PCDHGA5: variants seen among roughly 807,000 people sequenced by gnomAD.
PCDHGA5 encodes protocadherin gamma subfamily A, 5.
A neutral mutation model predicts 56.7 loss-of-function variants in PCDHGA5; 36 were observed. The ratio of observed to expected loss-of-function variants is 0.64; its 90% CI spans 0.49 to 0.84. The LOEUF is 0.84. Ranked by LOEUF, PCDHGA5 falls within the 40% of genes least tolerant of loss-of-function variation. The pLI is 0.00. For synonymous variants in PCDHGA5, 563 were observed against 520.2 expected, an observed-to-expected ratio of 1.08 and a Z score of -1.12; for missense variants, 1,305 against 1,201.5, an observed-to-expected ratio of 1.09 and a Z score of -1.27.
In PCDHGA5 at chr5:141,489,087, T is replaced by A. The variant is rs2099682381; in HGVS notation, c.2422-5720T>A. ...CCCCCTGCCCACCCCCGCCACTCGG[T>A]GACTAAGAACTGCTGCAAGCAGGCA... is the stretch of plus-strand genomic sequence containing the variant. On this transcript the variant is annotated intron_variant, in intron 1 of 3. Coordinates refer to ENST00000518069, the MANE Select transcript of PCDHGA5 (RefSeq NM_018918.3). This position sits in a 1 kb window ranked among gnomAD's most constrained non-coding sequence, Gnocchi z 4.5. The A allele has an allele frequency of 4.6e-6, 1 of 216,106 alleles. No individual in the cohort carries two copies. Among genetic ancestry groups the A allele is most frequent in the Non-Finnish European group, 8.4e-6 (1 of 118,734 alleles). 13.4% of individuals were successfully genotyped at this position (216,106 alleles called of 1,614,324 possible). A position where few individuals can be genotyped will look rare whatever the true frequency, so the allele number is the denominator to read the frequency against.
At chr5:141,384,943 G>T in intron 1 of PCDHGA5, 1 of 1,613,996 alleles carries the variant, frequency 6.2e-7, no homozygotes, top group Non-Finnish European at 8.5e-7. Flanking sequence ...TGAGCCCTCC[G>T]ACGGTCCTTA....
intron 1 of PCDHGA5, chr5:141,427,790 C>A: frequency 1.3e-6 from 2 of 1,482,222 alleles, no homozygotes; most frequent in Non-Finnish European, 1.9e-6. Context: ...TGTCGTCCTA[C>A]GTGTCCGTGA....
intron 1 of PCDHGA5, chr5:141,414,379 A>G (rs2095740987): frequency 1.2e-6 from 2 of 1,613,912 alleles, no homozygotes; most frequent in African/African-American, 1.3e-5. Context: ...AGAAAAGTCC[A>G]TTGACAGTTA....
intron 1 of PCDHGA5, chr5:141,418,513 G>T (rs377653202): frequency 1.1e-4 from 173 of 1,613,842 alleles, no homozygotes; most frequent in Non-Finnish European, 1.2e-4. Flanking sequence ...TAGATGGTGG[G>T]GACCCTCCCC....
intron 1 of PCDHGA5, chr5:141,400,729 A>G: frequency 1.5e-6 from 1 of 649,042 alleles, no homozygotes. Flanking sequence ...TTTACAAAGT[A>G]GTGAGAGTTT....
chr5:141,463,364 T>C (rs1166107031), intron 1 of PCDHGA5, among the ~76,000 whole-genome samples: 2 of 150,250 alleles, frequency 1.3e-5, no homozygotes, highest in Admixed American at 6.6e-5. Context: ...TCCCCTTTCC[T>C]GCCCCACAGT....
At chr5:141,433,150 G>C (rs1466566074) in intron 1 of PCDHGA5, 5 of 1,613,936 alleles carry the variant, frequency 3.1e-6, no homozygotes, top group Middle Eastern at 1.6e-4. Flanking sequence ...CAGGTGATTC[G>C]GTATTTTCTA....
intron 1 of PCDHGA5, among the ~76,000 whole-genome samples, chr5:141,402,212 A>T (rs1282581389): frequency 6.6e-6 from 1 of 152,138 alleles, no homozygotes; most frequent in Non-Finnish European, 1.5e-5. Context: ...ACAAAAATTT[A>T]AAATAAACGT....
intron 1 of PCDHGA5, among the ~76,000 whole-genome samples, chr5:141,448,430 T>C (rs1468604001): frequency 6.6e-6 from 1 of 152,186 alleles, no homozygotes; most frequent in African/African-American, 2.4e-5. Flanking sequence ...TATGTATATA[T>C]TGAGAAGTCT....
At chr5:141,433,034 C>G (rs1357694242) in intron 1 of PCDHGA5, 2 of 1,614,184 alleles carry the variant, frequency 1.2e-6, no homozygotes, top group Non-Finnish European at 1.7e-6. Flanking sequence ...CGAGGTTTCC[C>G]TCACCACGGA....
At position 141,384,450 on chromosome 5, in the gene PCDHGA5, G is replaced by A. The variant is rs756281053; in HGVS notation, c.2421+17699G>A. On this transcript the variant is annotated intron_variant, in intron 1 of 3. Coordinates refer to ENST00000518069, the MANE Select transcript of PCDHGA5 (RefSeq NM_018918.3). ...CTGACACTGGAGTCCTGTACGCGCT[G>A]CAATCCTTTGATTATGAGCAGTTGA... is the stretch of plus-strand genomic sequence containing the variant. 4 of 1,614,040 alleles carry A rather than the reference G, an allele frequency of 2.5e-6. No homozygotes were observed. In the Admixed American group the frequency reaches 6.7e-5, roughly 27 times the overall value.
At chr5:141,415,647 A>C in intron 1 of PCDHGA5, 2 of 1,599,602 alleles carry the variant, frequency 1.3e-6, no homozygotes, top group Non-Finnish European at 1.7e-6. Context: ...TTGTTAAAAA[A>C]AAAAAGATTG....
intron 1 of PCDHGA5, among the ~76,000 whole-genome samples, chr5:141,407,505 T>TTTTTTTTTTTTTTTTTTTTTTTGAG (rs1460306566): frequency 6.6e-6 from 1 of 152,146 alleles, no homozygotes; most frequent in Non-Finnish European, 1.5e-5. Context: ...CTGTTTTTCT[T>TTTTTTTTTTTTTTTTTTTTTTTGAG]AGGCTATGTA....
chr5:141,512,275 A>G lies in PCDHGA5; in HGVS notation c.*1102A>G, dbSNP rs368275103. 1 of 152,730 alleles carries G rather than the reference A, an allele frequency of 6.5e-6. No individual in the cohort carries two copies. The highest frequency in any genetic ancestry group is 2.1e-4 in the South Asian group (1 of 4,824). The allele number at this position is 152,730 out of a possible 1,614,324, so 9.5% of individuals were successfully genotyped here. ...GGGTGCTGGGTACTCCAGAGGTGCC[A>G]CTGGTGGAAGGGTCAGCGGAGCCCC... On this transcript the variant is annotated 3_prime_UTR_variant, in exon 4 of 4. Transcript: ENST00000518069.
At chr5:141,475,866 C>T in intron 1 of PCDHGA5, 1 of 504,862 alleles carries the variant, frequency 2.0e-6, no homozygotes, top group South Asian at 2.9e-5. Context: ...GCTCATTCTT[C>T]GTGCAGTTAT....
chr5:141,394,524 G>T lies in PCDHGA5; in HGVS notation c.2421+27773G>T, dbSNP rs977174958. 13 of 1,614,214 alleles carry T rather than the reference G, an allele frequency of 8.1e-6. No homozygotes were observed. ...CCTGTACCCCGCCCTCCCCACAGAC[G>T]GTTCCACTGGCGTGGAGCTGGCGCC... On this transcript the variant is annotated intron_variant, in intron 1 of 3. Coordinates refer to ENST00000518069, the MANE Select transcript of PCDHGA5 (RefSeq NM_018918.3).
At position 141,426,439 on chromosome 5, in the gene PCDHGA5, G is replaced by C. The variant is rs149215795; in HGVS notation, c.2421+59688G>C. On this transcript the variant is annotated intron_variant, in intron 1 of 3. Transcript: ENST00000518069. ...GGGCTCCGTGGTGGGGAACCTTGCG[G>C]AGGACATGCGGCTGCATGTTCAGGA... 7.8e-4 allele frequency: 237 copies of C among 302,398 alleles called. 1 individual carries two copies. The highest frequency in any genetic ancestry group is 4.6e-3 in the African/African-American group (214 of 46,260). The allele number at this position is 302,398 out of a possible 1,614,324, so 18.7% of individuals were successfully genotyped here.
At chr5:141,503,387 G>A (rs975079596) in intron 2 of PCDHGA5, among the ~76,000 whole-genome samples, 24 of 152,068 alleles carry the variant, frequency 1.6e-4, no homozygotes, top group Middle Eastern at 3.4e-3. Flanking sequence ...ATGAGGTCAG[G>A]AGTTCGAAAC....
intron 1 of PCDHGA5, among the ~76,000 whole-genome samples, chr5:141,379,889 C>CTTTTTTTTTTTTTTGTTTTTTTTT (rs1775951854): frequency 2.0e-5 from 1 of 50,832 alleles, no homozygotes; most frequent in Non-Finnish European, 3.9e-5. Flanking sequence ...GTGAAAGCCT[C>CTTTTTTTTTTTTTTGTTTTTTTTT]TTTTTTTTTT....
Sources: gnomAD v4.1 joint callset for allele counts (sites outside exome capture counted in the v4.1 genomes callset) on GRCh38, gnomAD v4.1.1 for gene constraint, Gnocchi (gnomAD v3.1) non-coding constraint, MANE v1.5 for transcripts, NCBI Gene and HGNC (gene_info 2026-07-23, HGNC 2026-07-21) for gene names.